TP63: variants seen among roughly 807,000 people sequenced by gnomAD.
TP63 encodes tumor protein 63.
Under a neutral mutation model 82.8 loss-of-function variants are expected in TP63, and 17 were observed. The ratio of observed to expected loss-of-function variants is 0.21; its 90% confidence interval spans 0.14 to 0.31. The LOEUF is 0.31. Ranked by LOEUF, TP63 falls within the 10% of genes least tolerant of loss-of-function variation. The pLI, the probability that TP63 is intolerant of heterozygous loss-of-function variation, is 1.00. For synonymous variants in TP63, 330 were observed against 321.7 expected, an observed-to-expected ratio of 1.03 and a Z score of -0.28; for missense variants, 648 against 895.3, an observed-to-expected ratio of 0.72 and a Z score of 3.52.
upstream of TP63, among the ~76,000 whole-genome samples, chr3:189,626,741 A>T (rs1729327538): frequency 6.6e-6 from 1 of 152,200 alleles, no homozygotes; most frequent in Non-Finnish European, 1.5e-5. Flanking sequence ...AAGTTCAAAA[A>T]AAGCTGTTGA....
At chr3:189,872,400 A>AACACACACACACACAC (rs60097753) in intron 9 of TP63, among the ~76,000 whole-genome samples, 1 of 146,996 alleles carries the variant, frequency 6.8e-6, no homozygotes, top group Admixed American at 6.9e-5. Context: ...AAGTTTCTCT[A>AACACACACACACACAC]ACACACACAC....
chr3:189,875,600 A>ATATG (rs1718984776), intron 10 of TP63, among the ~76,000 whole-genome samples: 1 of 41,594 alleles, frequency 2.4e-5, no homozygotes, highest in African/African-American at 8.0e-5. Context: ...ATACATATAT[A>ATATG]TATATATATA....
intron 3 of TP63, among the ~76,000 whole-genome samples, chr3:189,795,648 A>G (rs758283057): frequency 1.2e-4 from 18 of 152,056 alleles, no homozygotes; most frequent in Non-Finnish European, 2.1e-4. Flanking sequence ...AAACACTGAT[A>G]TGTATTTACT....
At chr3:189,690,527 T>C (rs946116287) in intron 1 of TP63, among the ~76,000 whole-genome samples, 6 of 152,200 alleles carry the variant, frequency 3.9e-5, no homozygotes, top group African/African-American at 1.4e-4. Flanking sequence ...CTGAAATCAT[T>C]GTCATTCTAT....
At position 189,808,415 on chromosome 3, in the gene TP63, C is replaced by G. The variant is rs759567158; in HGVS notation, c.468C>G (p.Phe156Leu). The G allele has an allele frequency of 6.2e-7, 1 of 1,614,194 alleles. No homozygotes were observed. The highest frequency in any genetic ancestry group is 8.5e-7 in the Non-Finnish European group (1 of 1,180,048). Reference sequence around the variant, plus strand: ...CCTACGCACAGCCCAGCTCCACCTTCGATGCTCTCTCTCCATCACCCGCCA... The same window carrying G: ...CCTACGCACAGCCCAGCTCCACCTTGGATGCTCTCTCTCCATCACCCGCCA... Reference protein sequence around the residue: ...PSPYAQPSSTFDALSPSPAIP... With the variant: ...PSPYAQPSSTLDALSPSPAIP... Residue 156 changes from phenylalanine to leucine, a missense_variant, in exon 4 of 14, where the codon TTC (phenylalanine) becomes TTG (leucine). Transcript: ENST00000264731.
intron 1 of TP63, among the ~76,000 whole-genome samples, chr3:189,695,014 C>G (rs905389487): frequency 2.6e-5 from 4 of 151,340 alleles, no homozygotes; most frequent in African/African-American, 9.7e-5. Flanking sequence ...CCATGTTGGA[C>G]CAGGCTGGTC....
intron 1 of TP63, among the ~76,000 whole-genome samples, chr3:189,663,932 G>A (rs78577422): frequency 0.023 from 3,474 of 152,114 alleles, 141 homozygotes; most frequent in African/African-American, 0.079. Flanking sequence ...TTAGTGTTAG[G>A]TGCCTTGGAC....
the TP63 span, among the ~76,000 whole-genome samples, chr3:189,609,956 T>C: frequency 2.6e-5 from 4 of 152,242 alleles, no homozygotes; most frequent in Non-Finnish European, 5.9e-5. Flanking sequence ...GGAATCCCCA[T>C]ACTGCTTTCC....
intron 3 of TP63, among the ~76,000 whole-genome samples, chr3:189,760,441 C>T (rs555844851): frequency 6.6e-6 from 1 of 152,326 alleles, no homozygotes; most frequent in East Asian, 1.9e-4. Context: ...AGTCCAAAAT[C>T]CAGTGGGGCA....
At chr3:189,890,985 T>C in intron 13 of TP63, 103 bp downstream of exon 13, 1 of 1,080,186 alleles carries the variant, frequency 9.3e-7, no homozygotes, top group South Asian at 1.3e-5. Context: ...AATTTGTTTT[T>C]GTCATGCCCC....
chr3:189,633,937 A>G (rs568346734), intron 1 of TP63, among the ~76,000 whole-genome samples: 2 of 152,256 alleles, frequency 1.3e-5, no homozygotes, highest in South Asian at 2.1e-4. Flanking sequence ...TTCCTCAAGT[A>G]TTTTAACTGT....
intron 4 of TP63, among the ~76,000 whole-genome samples, chr3:189,838,051 T>G (rs1160195102): frequency 6.6e-6 from 1 of 152,206 alleles, no homozygotes; most frequent in Non-Finnish European, 1.5e-5. Context: ...AAATTTTTCA[T>G]CTCTCTTGCC....
intron 3 of TP63, among the ~76,000 whole-genome samples, chr3:189,786,174 G>A (rs144807251): frequency 3.3e-5 from 5 of 151,974 alleles, no homozygotes; most frequent in Admixed American, 2.0e-4. Context: ...ATCAGTTTTC[G>A]ATTGATGAGA....
intron 1 of TP63, among the ~76,000 whole-genome samples, chr3:189,670,134 C>G (rs560894809): frequency 2.0e-5 from 3 of 151,808 alleles, no homozygotes; most frequent in African/African-American, 7.3e-5. Flanking sequence ...AAATAACAAG[C>G]CTGAATGTGT....
chr3:189,762,494 A>T (rs939015110), intron 3 of TP63, among the ~76,000 whole-genome samples: 7 of 152,212 alleles, frequency 4.6e-5, no homozygotes, highest in African/African-American at 1.4e-4. Context: ...ACCCATCTCT[A>T]AGATAATTAT....
the TP63 span, among the ~76,000 whole-genome samples, chr3:189,612,903 T>A: frequency 6.6e-6 from 1 of 152,138 alleles, no homozygotes; most frequent in African/African-American, 2.4e-5. Context: ...GAAAAACAAT[T>A]TAGGGTATTT....
At chr3:189,808,996 TGAAG>T (rs201923825) in intron 4 of TP63, among the ~76,000 whole-genome samples, 4,518 of 152,286 alleles carry the variant, frequency 0.03, 119 homozygotes, top group Admixed American at 0.094. Flanking sequence ...ATCCCATTTA[TGAAG>T]GAAGGATGAA....
chr3:189,878,270 G>T (rs9290907), intron 10 of TP63, among the ~76,000 whole-genome samples: 3,990 of 151,738 alleles, frequency 0.026, 180 homozygotes, highest in African/African-American at 0.088. Context: ...AATCCTCCAC[G>T]TTTCCAGAAT....
At chr3:189,836,145 C>G (rs1421551513) in intron 4 of TP63, among the ~76,000 whole-genome samples, 2 of 151,996 alleles carry the variant, frequency 1.3e-5, no homozygotes, top group East Asian at 3.9e-4. Flanking sequence ...ATTCCACATT[C>G]AGGAAACTGT....
Sources: allele counts gnomAD v4.1 joint callset (sites outside exome capture counted in the v4.1 genomes callset), GRCh38; gene constraint gnomAD v4.1.1; transcripts MANE v1.5; gene names NCBI Gene and HGNC (gene_info 2026-07-23, HGNC 2026-07-21).